The following MCUB variants were observed in gnomAD, a reference collection of about 807,000 sequenced individuals.
The protein encoded by MCUB is calcium uniporter regulatory subunit MCUb, mitochondrial.
A neutral mutation model predicts 41.4 loss-of-function variants in MCUB; 46 were observed. The ratio of observed to expected loss-of-function variants is 1.11; its 90% CI spans 0.88 to 1.42. The LOEUF is 1.42. Among genes scored for constraint, MCUB ranks in the 40% most tolerant of loss-of-function variants. The probability of loss-of-function intolerance (pLI) is 0.00; values close to 1 mark genes in which losing one functional copy is unlikely to be tolerated. For synonymous variants in MCUB, 148 were observed against 148.2 expected (o/e 1.00, Z 0.01); for missense variants, 403 against 404.9 (o/e 1.00, Z 0.04).
chr4:109,665,981 A>G (rs975055292), intron 4 of MCUB, among the ~76,000 whole-genome samples: 1 of 151,888 alleles, frequency 6.6e-6, no homozygotes, highest in African/African-American at 2.4e-5. Flanking sequence ...GAGGGGAAAG[A>G]AGAAGGGGGA....
intron 1 of MCUB, among the ~76,000 whole-genome samples, chr4:109,573,545 A>G (rs1030780320): frequency 3.3e-5 from 5 of 152,084 alleles, no homozygotes; most frequent in African/African-American, 1.2e-4. Flanking sequence ...AAAAGTATGT[A>G]TAGGATGAGG....
At chr4:109,570,155 T>C (rs908113738) in intron 1 of MCUB, among the ~76,000 whole-genome samples, 3 of 152,186 alleles carry the variant, frequency 2.0e-5, no homozygotes, top group Admixed American at 1.3e-4. Context: ...CTCCATATAG[T>C]GTTTATTTTA....
chr4:109,678,818 G>A (rs569131197), intron 4 of MCUB, among the ~76,000 whole-genome samples: 1 of 138,230 alleles, frequency 7.2e-6, no homozygotes, highest in African/African-American at 2.8e-5. Context: ...TCAATTCCCA[G>A]ACGGGGCAGC....
chr4:109,615,997 C>G (rs1340754422), intron 1 of MCUB, among the ~76,000 whole-genome samples: 1 of 152,132 alleles, frequency 6.6e-6, no homozygotes, highest in Non-Finnish European at 1.5e-5. Flanking sequence ...GGAAGTACCT[C>G]CAACATGGTG....
intron 1 of MCUB, among the ~76,000 whole-genome samples, chr4:109,657,151 G>A (rs1729122276): frequency 6.6e-6 from 1 of 150,970 alleles, no homozygotes; most frequent in African/African-American, 2.4e-5. Context: ...CCCAGGAGGT[G>A]GAGGTTGCAG....
intron 1 of MCUB, among the ~76,000 whole-genome samples, chr4:109,589,763 T>G (rs965105164): frequency 1.3e-5 from 2 of 152,210 alleles, no homozygotes; most frequent in African/African-American, 4.8e-5. Flanking sequence ...CTGTTTACTG[T>G]TGTATCCTCA....
intron 1 of MCUB, among the ~76,000 whole-genome samples, chr4:109,597,365 A>G (rs1579056940): frequency 1.9e-5 from 2 of 105,652 alleles, no homozygotes; most frequent in South Asian, 3.2e-4. Context: ...CGGGGGGCTG[A>G]CCCCCCCACC....
intron 1 of MCUB, among the ~76,000 whole-genome samples, chr4:109,565,601 T>TA (rs764825953): frequency 1.7e-4 from 26 of 152,252 alleles, no homozygotes; most frequent in African/African-American, 4.6e-4. Context: ...GTAAATGCGA[T>TA]AAAAAAAGAT....
intron 1 of MCUB, among the ~76,000 whole-genome samples, chr4:109,614,259 T>C (rs1728078793): frequency 6.7e-6 from 1 of 149,752 alleles, no homozygotes. Context: ...CAGCTCCAAA[T>C]ACAGAGTCTC....
Position 109,571,228 on chromosome 4 carries a change from T to A in MCUB, c.99+10792T>A, listed in dbSNP as rs1431405035. Among the ~76,000 whole-genome samples the A allele has an allele frequency of 2.0e-5, 3 of 152,208 alleles. No individual in the cohort carries two copies. In the East Asian group the frequency reaches 5.8e-4, roughly 29 times the overall value. ...TTTTTCCTTCCCCAAACTGTTTTTT[T>A]AAGAAACGAATTTTATATATCTTTC... On this transcript the variant is annotated intron_variant, in intron 1 of 7. Coordinates refer to ENST00000394650, the MANE Select transcript of MCUB (RefSeq NM_017918.5).
intron 1 of MCUB, among the ~76,000 whole-genome samples, chr4:109,596,711 G>A (rs1405500064): frequency 6.8e-6 from 1 of 147,842 alleles, no homozygotes; most frequent in African/African-American, 2.5e-5. Flanking sequence ...CTTTATTTAG[G>A]TCTTCTTAAA....
At chr4:109,671,141 T>G (rs183855319) in intron 4 of MCUB, among the ~76,000 whole-genome samples, 416 of 152,376 alleles carry the variant, frequency 2.7e-3, no homozygotes, top group Non-Finnish European at 5.1e-3. Flanking sequence ...ATTCAGCCAT[T>G]TATTAATTGT....
chr4:109,580,385 GTA>G (rs1385258656), intron 1 of MCUB, among the ~76,000 whole-genome samples: 2 of 152,156 alleles, frequency 1.3e-5, no homozygotes, highest in Admixed American at 1.3e-4. Context: ...AATCCTTTGG[GTA>G]TATACCCAGT....
At chr4:109,654,029 G>A (rs1729022006) in intron 1 of MCUB, among the ~76,000 whole-genome samples, 1 of 152,022 alleles carries the variant, frequency 6.6e-6, no homozygotes. Context: ...TTATCTTTGT[G>A]AAGACACTAA....
intron 1 of MCUB, among the ~76,000 whole-genome samples, chr4:109,573,452 C>CA (rs763163538): frequency 0.069 from 6,107 of 88,778 alleles, 176 homozygotes; most frequent in East Asian, 0.14. Flanking sequence ...GACTCCATCT[C>CA]AAAAAAAAAA....
intron 1 of MCUB, among the ~76,000 whole-genome samples, chr4:109,610,303 A>G (rs946783297): frequency 5.3e-5 from 8 of 152,160 alleles, no homozygotes; most frequent in Admixed American, 1.3e-4. Flanking sequence ...TTTGGTTCTT[A>G]TAAAGGTGTC....
intron 1 of MCUB, among the ~76,000 whole-genome samples, chr4:109,608,882 G>C (rs1267508660): frequency 6.6e-6 from 1 of 152,126 alleles, no homozygotes; most frequent in Non-Finnish European, 1.5e-5. Flanking sequence ...AATATTTAAA[G>C]GGACTTGGGT....
chr4:109,574,154 T>C (rs1300732692), intron 1 of MCUB, among the ~76,000 whole-genome samples: 1 of 152,058 alleles, frequency 6.6e-6, no homozygotes, highest in Non-Finnish European at 1.5e-5. Context: ...TGTGCCCGAC[T>C]GGGGCTGCAT....
At chr4:109,598,667 C>T (rs1223846362) in intron 1 of MCUB, among the ~76,000 whole-genome samples, 1 of 152,084 alleles carries the variant, frequency 6.6e-6, no homozygotes, top group Non-Finnish European at 1.5e-5. Context: ...TTCCCAAATT[C>T]TCTTTCAATT....
Sources: gnomAD v4.1 joint callset for allele counts (sites outside exome capture counted in the v4.1 genomes callset) on GRCh38, gnomAD v4.1.1 for gene constraint, MANE v1.5 for transcripts, NCBI Gene and HGNC (gene_info 2026-07-23, HGNC 2026-07-21) for gene names.